ZNF816: variants seen among roughly 807,000 people sequenced by gnomAD.
ZNF816 encodes the protein zinc finger protein 816.
ZNF816 carries 11 observed loss-of-function variants against 8.3 expected under a neutral mutation model. That is an observed-to-expected ratio of 1.32 (90% CI 0.83 to 2.19). The LOEUF (loss-of-function observed/expected upper bound fraction) is 2.19. ZNF816 is among the 30% of genes most tolerant of loss of function. The probability of loss-of-function intolerance (pLI) is 0.00; values close to 1 mark genes in which losing one functional copy is unlikely to be tolerated. For missense variants in ZNF816, 710 were observed against 779.3 expected, an observed-to-expected ratio of 0.91 and a Z score of 1.06; for synonymous variants, 255 against 254.5, an observed-to-expected ratio of 1.00 and a Z score of -0.02.
intron 1 of ZNF816, among the ~76,000 whole-genome samples, chr19:52,956,781 A>G (rs554436562): frequency 6.6e-6 from 1 of 152,346 alleles, no homozygotes; most frequent in South Asian, 2.1e-4. Context: ...TGCCTAGTTT[A>G]TAAGACAGGA....
At chr19:52,960,254 G>T in intron 1 of ZNF816, 1 of 274,730 alleles carries the variant, frequency 3.6e-6, no homozygotes, top group Non-Finnish European at 7.2e-6. Context: ...CCCCTTTGAA[G>T]ATCTCCAGGT....
At chr19:52,954,741 T>C (rs1215496432) in intron 2 of ZNF816, among the ~76,000 whole-genome samples, 1 of 150,704 alleles carries the variant, frequency 6.6e-6, no homozygotes, top group East Asian at 1.9e-4. Flanking sequence ...TAAGACTCAT[T>C]TGAACCTGAG....
chr19:52,951,484 G>C lies in ZNF816; in HGVS notation c.291C>G (p.His97Gln). Reference sequence around the variant, plus strand: ...TTTCTGGGAAGCAAAAATCTCCAATGTGATGACTTTTATGTCTTTGCAACG... The same window carrying C: ...TTTCTGGGAAGCAAAAATCTCCAATCTGATGACTTTTATGTCTTTGCAACG... The part of the protein sequence containing the change: ...TGTLQRHKSH[H>Q]IGDFCFPEMK... Residue 97 changes from histidine to glutamine, a missense_variant, in exon 4 of 4, where the codon CAC becomes CAG. Physicochemically the swap from His to Gln is conservative, Grantham distance 24. Transcript: ENST00000444460. 1 of 1,613,970 alleles carries C rather than the reference G, an allele frequency of 6.2e-7. No individual in the cohort carries two copies. Among genetic ancestry groups the C allele is most frequent in the East Asian group, 2.2e-5 (1 of 44,876 alleles).
rs553813911 is a variant in ZNF816 at position 52,953,194 on chromosome 19, G to C, written c.64-317C>G. The C allele has an allele frequency of 1.5e-4, 37 of 254,324 alleles. No homozygotes were observed. In the Middle Eastern group the frequency reaches 7.2e-3, roughly 50 times the overall value. 15.8% of individuals were successfully genotyped at this position (254,324 alleles called of 1,614,324 possible). A position where few individuals can be genotyped will look rare whatever the true frequency, so the allele number is the denominator to read the frequency against. On this transcript the variant is annotated intron_variant, in intron 2 of 3. Transcript: ENST00000444460. ...GTGGATCTCCTGAGCTCAGGAGTTC[G>C]AGCCCAGGACAATATGGTGTAACCC...
chr19:52,958,644 T>C (rs1409833850), intron 1 of ZNF816, among the ~76,000 whole-genome samples: 2 of 152,144 alleles, frequency 1.3e-5, no homozygotes, highest in Non-Finnish European at 2.9e-5. Flanking sequence ...AGGTATAAGT[T>C]GTCCAAGAAG....
intron 2 of ZNF816, among the ~76,000 whole-genome samples, chr19:52,953,589 CAAT>C (rs1344496582): frequency 3.4e-5 from 3 of 87,262 alleles, no homozygotes; most frequent in African/African-American, 2.0e-4. Flanking sequence ...ATATATAATA[CAAT>C]ATTATATATA....
chr19:52,949,973 A>G lies in ZNF816; in HGVS notation c.1802T>C (p.Val601Ala), dbSNP rs1411290423. 5.6e-6 allele frequency: 9 copies of G among 1,613,560 alleles called. 1 individual carries two copies. The East Asian group carries it at 1.1e-4, about 20-fold the overall frequency. The change falls in exon 4 of 4, where the codon GTT becomes GCT. Residue 601 changes from valine (V) to alanine (A), a missense_variant. Transcript: ENST00000444460. ...KPYKCNECGKVFNQKASLAKH... is the reference protein window; with the variant it reads ...KPYKCNECGKAFNQKASLAKH... Reference sequence around the variant, plus strand: ...TGCAAGGCTTGCTTTTTGATTAAAAACCTTGCCACATTCATTACACTTGTA... The same window carrying G: ...TGCAAGGCTTGCTTTTTGATTAAAAGCCTTGCCACATTCATTACACTTGTA...
chr19:52,954,026 C>T (rs180696645), intron 2 of ZNF816, among the ~76,000 whole-genome samples: 159 of 126,238 alleles, frequency 1.3e-3, no homozygotes, highest in African/African-American at 5.5e-3. Context: ...GAGCAACAGA[C>T]TGAGACTCTT....
rs184900097 is a variant in ZNF816, at chr19:52,949,913, T to G, written c.1862A>C (p.Tyr621Ser). ...HQRVHTAEKP[Y>S]KCNECGKAFT... ...GGCTTTGCCACACTCATTACACTTG[T>G]AAGGTTTCTCTGCAGTATGAACTCT... The change falls in exon 4 of 4, where the codon TAC becomes TCC. Residue 621 changes from tyrosine to serine, a missense_variant. Coordinates refer to ENST00000444460, the MANE Select transcript of ZNF816 (RefSeq NM_001202457.3). 139 of 1,613,938 alleles carry G rather than the reference T, an allele frequency of 8.6e-5. 1 individual carries two copies. The East Asian group carries it at 3.0e-3, about 35-fold the overall frequency.
At chr19:52,955,166 T>A (rs1408641738) in intron 2 of ZNF816, among the ~76,000 whole-genome samples, 1 of 151,922 alleles carries the variant, frequency 6.6e-6, no homozygotes, top group African/African-American at 2.4e-5. Flanking sequence ...GTTTGCTTCA[T>A]CAGAGTCCCT....
intron 1 of ZNF816, among the ~76,000 whole-genome samples, chr19:52,961,256 A>C (rs2083554339): frequency 6.6e-6 from 1 of 152,208 alleles, no homozygotes. Context: ...TAGGTGACAC[A>C]AGTAAAATAA....
chr19:52,953,561 A>G, intron 2 of ZNF816, among the ~76,000 whole-genome samples: 2 of 46,308 alleles, frequency 4.3e-5, no homozygotes, highest in Non-Finnish European at 6.9e-5. Context: ...TATATATAAT[A>G]TGTATTTATA....
At chr19:52,953,300 C>T (rs759958214) in intron 2 of ZNF816, 8 of 318,114 alleles carry the variant, frequency 2.5e-5, no homozygotes, top group South Asian at 1.4e-4. Flanking sequence ...GGCTGATGCA[C>T]GAGAATAACT....
At chr19:52,956,793 G>A (rs966379445) in intron 1 of ZNF816, among the ~76,000 whole-genome samples, 1 of 152,186 alleles carries the variant, frequency 6.6e-6, no homozygotes, top group African/African-American at 2.4e-5. Flanking sequence ...AAGACAGGAG[G>A]AAAGGAAGAA....
At chr19:52,956,521 C>A (rs1336497856) in intron 1 of ZNF816, among the ~76,000 whole-genome samples, 5 of 152,186 alleles carry the variant, frequency 3.3e-5, no homozygotes, top group South Asian at 4.1e-4. Context: ...GAGTGTGGGT[C>A]CCATCCTATT....
rs562213454 is a variant in ZNF816 at position 52,955,182 on chromosome 19, AAAAAC to A, written c.63+840_63+844del. Among the ~76,000 whole-genome samples, 181 of 152,278 alleles carry A rather than the reference AAAAAC, an allele frequency of 1.2e-3. No individual in the cohort carries two copies. The Middle Eastern group carries it at 0.02, about 17-fold the overall frequency. On this transcript the variant is annotated intron_variant, in intron 2 of 3. Transcript: ENST00000444460. ...TTTGCTTCATCAGAGTCCCTGTAAAAAAAACAAAACAAAACAAAAAACAAAAAAAA... is the reference window on the plus strand; with the variant it reads ...TTTGCTTCATCAGAGTCCCTGTAAAAAAAACAAAACAAAAAACAAAAAAAA...
chr19:52,960,219 C>A, intron 1 of ZNF816: 1 of 269,608 alleles, frequency 3.7e-6, no homozygotes, highest in Non-Finnish European at 7.3e-6. Flanking sequence ...GCCATTCTGC[C>A]CGGCATACAA....
At chr19:52,953,737 T>TTATA (rs201923009) in intron 2 of ZNF816, among the ~76,000 whole-genome samples, 79 of 139,140 alleles carry the variant, frequency 5.7e-4, no homozygotes, top group Middle Eastern at 3.6e-3. Flanking sequence ...AATATATATT[T>TTATA]TATATATATA....
chr19:52,953,206 A>C, intron 2 of ZNF816: 1 of 249,080 alleles, frequency 4.0e-6, no homozygotes, highest in Non-Finnish European at 7.9e-6. Flanking sequence ...GCCCAGGACA[A>C]TATGGTGTAA....
Sources: allele counts gnomAD v4.1 joint callset (sites outside exome capture counted in the v4.1 genomes callset), GRCh38; gene constraint gnomAD v4.1.1; transcripts MANE v1.5; gene names NCBI Gene and HGNC (gene_info 2026-07-23, HGNC 2026-07-21).